The following GABRB1 variants were observed in gnomAD, a reference collection of about 807,000 sequenced individuals.
GABRB1 encodes gamma-aminobutyric acid receptor subunit beta-1.
A neutral mutation model predicts 51.6 loss-of-function variants in GABRB1; 17 were observed. That is an observed-to-expected ratio of 0.33 (90% CI 0.23 to 0.49). GABRB1 has a LOEUF of 0.49. Ranked by LOEUF, GABRB1 falls within the 20% of genes least tolerant of loss-of-function variation. GABRB1 has a pLI of 0.99. For synonymous variants in GABRB1, 247 were observed against 218.9 expected, an observed-to-expected ratio of 1.13 and a Z score of -1.14; for missense variants, 410 against 600.6, an observed-to-expected ratio of 0.68 and a Z score of 3.32.
At chr4:47,273,222 AT>A (rs1157050800) in intron 4 of GABRB1, among the ~76,000 whole-genome samples, 1 of 152,188 alleles carries the variant, frequency 6.6e-6, no homozygotes, top group African/African-American at 2.4e-5. Flanking sequence ...GCTTTGCAGA[AT>A]AAAATCCTCC....
At chr4:47,272,379 AG>A (rs1667560800) in intron 4 of GABRB1, among the ~76,000 whole-genome samples, 1 of 152,118 alleles carries the variant, frequency 6.6e-6, no homozygotes, top group African/African-American at 2.4e-5. Flanking sequence ...TTTCATTCTT[AG>A]TACTGTGTTA....
chr4:47,064,641 C>CAAAAAAAA (rs33963952), intron 3 of GABRB1, among the ~76,000 whole-genome samples: 2 of 58,132 alleles, frequency 3.4e-5, no homozygotes, highest in Non-Finnish European at 6.3e-5. Context: ...GACTCCATCT[C>CAAAAAAAA]AAAAAAAAAA....
intron 4 of GABRB1, among the ~76,000 whole-genome samples, chr4:47,250,276 A>AC (rs924139320): frequency 2.0e-5 from 3 of 151,962 alleles, no homozygotes; most frequent in Admixed American, 6.6e-5. Flanking sequence ...CTGAAGATAG[A>AC]CCCCCAATCC....
intron 4 of GABRB1, among the ~76,000 whole-genome samples, chr4:47,229,548 T>A: frequency 6.6e-6 from 1 of 152,148 alleles, no homozygotes; most frequent in African/African-American, 2.4e-5. Context: ...TATAGTCACT[T>A]CTTAATCTCC....
intron 4 of GABRB1, among the ~76,000 whole-genome samples, chr4:47,270,327 G>A (rs750139684): frequency 4.7e-4 from 71 of 152,230 alleles, no homozygotes; most frequent in Non-Finnish European, 8.7e-4. Context: ...TTACCTCCAG[G>A]AAACCACTGA....
At chr4:46,994,415 G>T in intron 1 of GABRB1, 1 of 151,316 alleles carries the variant, frequency 6.6e-6, no homozygotes, top group Non-Finnish European at 1.5e-5. Context: ...ACTGCTTTAG[G>T]TAGGGGGAAA....
intron 4 of GABRB1, among the ~76,000 whole-genome samples, chr4:47,278,457 C>A (rs1723162758): frequency 6.6e-6 from 1 of 152,128 alleles, no homozygotes; most frequent in South Asian, 2.1e-4. Context: ...AATTCATCTT[C>A]TTCAAGAGGG....
intron 3 of GABRB1, among the ~76,000 whole-genome samples, chr4:47,110,218 G>T (rs1213739954): frequency 6.6e-6 from 1 of 151,882 alleles, no homozygotes. Context: ...TATTTACACA[G>T]ACCATCATCC....
chr4:47,255,221 A>T (rs1017237976), intron 4 of GABRB1, among the ~76,000 whole-genome samples: 1 of 152,222 alleles, frequency 6.6e-6, no homozygotes, highest in Non-Finnish European at 1.5e-5. Context: ...CTATAAAGTG[A>T]GCCCATTTAA....
chr4:47,311,983 A>T (rs1450228279), intron 4 of GABRB1, among the ~76,000 whole-genome samples: 5 of 151,960 alleles, frequency 3.3e-5, no homozygotes, highest in Non-Finnish European at 5.9e-5. Flanking sequence ...CAGGATAAGA[A>T]GTTCAGCCCC....
intron 3 of GABRB1, among the ~76,000 whole-genome samples, chr4:47,117,775 T>G (rs1374002551): frequency 1.3e-5 from 2 of 152,198 alleles, no homozygotes; most frequent in Non-Finnish European, 2.9e-5. Flanking sequence ...CGCTGGGAAA[T>G]TTGTTTAGAC....
chr4:47,032,391 C>T (rs1725359391), intron 2 of GABRB1, 26 bp from the exon 3 acceptor site: 1 of 1,565,022 alleles, frequency 6.4e-7, no homozygotes, highest in African/African-American at 1.3e-5. Flanking sequence ...AGAATCTGTT[C>T]CTAATGTGGC....
At chr4:47,241,913 T>C (rs952409083) in intron 4 of GABRB1, among the ~76,000 whole-genome samples, 2 of 152,140 alleles carry the variant, frequency 1.3e-5, no homozygotes, top group Admixed American at 6.5e-5. Context: ...ATACTTTAAG[T>C]TCTAGGATAC....
intron 3 of GABRB1, among the ~76,000 whole-genome samples, chr4:47,066,435 A>G (rs1727086500): frequency 2.0e-5 from 3 of 152,210 alleles, no homozygotes; most frequent in Non-Finnish European, 4.4e-5. Context: ...GTTGTTCTAT[A>G]GCATTTTATT....
At chr4:46,997,765 T>C (rs1338505858) in intron 1 of GABRB1, among the ~76,000 whole-genome samples, 1 of 152,280 alleles carries the variant, frequency 6.6e-6, no homozygotes, top group East Asian at 1.9e-4. Flanking sequence ...CACACATATA[T>C]ATGCACACAT....
intron 4 of GABRB1, among the ~76,000 whole-genome samples, chr4:47,296,110 A>G (rs1203969949): frequency 6.6e-6 from 1 of 152,214 alleles, no homozygotes; most frequent in Non-Finnish European, 1.5e-5. Flanking sequence ...TGAAGGAAGC[A>G]CTAAACATGG....
chr4:47,124,888 A>G (rs1716044229), intron 3 of GABRB1, among the ~76,000 whole-genome samples: 1 of 152,160 alleles, frequency 6.6e-6, no homozygotes, highest in African/African-American at 2.4e-5. Context: ...ACAAATATGC[A>G]TTATGAGATT....
chr4:47,294,048 A>G (rs1284638506), intron 4 of GABRB1, among the ~76,000 whole-genome samples: 1 of 152,246 alleles, frequency 6.6e-6, no homozygotes, highest in East Asian at 1.9e-4. Context: ...AAGCAAATGT[A>G]CATAAATATA....
At chr4:47,234,955 C>T (rs2109840252) in intron 4 of GABRB1, among the ~76,000 whole-genome samples, 1 of 152,294 alleles carries the variant, frequency 6.6e-6, no homozygotes, top group South Asian at 2.1e-4. Context: ...CAGGGACTTA[C>T]AGGTTCCTAA....
Sources: gnomAD v4.1 joint callset for allele counts (sites outside exome capture counted in the v4.1 genomes callset) on GRCh38, gnomAD v4.1.1 for gene constraint, MANE v1.5 for transcripts, NCBI Gene and HGNC (gene_info 2026-07-23, HGNC 2026-07-21) for gene names.